The following CREB3L3 variants were observed in gnomAD, a reference collection of about 807,000 sequenced individuals.
The protein encoded by CREB3L3 is cyclic AMP-responsive element-binding protein 3-like protein 3.
A neutral mutation model predicts 44.6 loss-of-function variants in CREB3L3; 40 were observed. The observed-to-expected ratio is 0.90, with a 90% confidence interval of 0.70 to 1.17. The LOEUF (loss-of-function observed/expected upper bound fraction) is 1.17, where lower values mean the gene tolerates loss of function less well. Ranked by LOEUF, CREB3L3 falls within the 50% of genes most tolerant of loss-of-function variation. The probability of loss-of-function intolerance (pLI) is 0.00; values close to 1 mark genes in which losing one functional copy is unlikely to be tolerated. For synonymous variants in CREB3L3, 273 were observed against 256.3 expected (o/e 1.06, Z -0.62); for missense variants, 578 against 595.8 (o/e 0.97, Z 0.31).
At position 4,169,001 on chromosome 19, in the gene CREB3L3, C is replaced by T. The variant is rs570959620; in HGVS notation, c.821+544C>T. ...CTGGCCGCCTCAGCCTCCCAAAGTGCTGGGATTACAGGCGTGAGCCACTGC... is the reference window on the plus strand; with the variant it reads ...CTGGCCGCCTCAGCCTCCCAAAGTGTTGGGATTACAGGCGTGAGCCACTGC... On this transcript the variant is annotated intron_variant, in intron 6 of 9. Transcript: ENST00000078445. 4.6e-5 allele frequency among the ~76,000 whole-genome samples: 7 copies of T among 152,048 alleles called. No individual in the cohort carries two copies. The East Asian group carries it at 1.4e-3, about 30-fold the overall frequency.
At chr19:4,161,922 G>T (rs1378787739) in intron 4 of CREB3L3, among the ~76,000 whole-genome samples, 2 of 152,210 alleles carry the variant, frequency 1.3e-5, no homozygotes, top group African/African-American at 4.8e-5. Context: ...CTTCCCGGAG[G>T]AGGCAGTACT....
rs539256570 is a variant in CREB3L3 at position 4,163,615 on chromosome 19, C to T, written c.577-888C>T. Among the ~76,000 whole-genome samples the T allele has an allele frequency of 2.1e-3, 318 of 152,152 alleles. 2 individuals are homozygous for T. Among genetic ancestry groups the T allele is most frequent in the African/African-American group, 7.4e-3 (307 of 41,514 alleles). ...GCAACCCCTGCCTCCCGGGTTCAAG[C>T]GGTTCTTCTGCCTCAGCCTCCCGAG... On this transcript the variant is annotated intron_variant, in intron 4 of 9. Coordinates refer to ENST00000078445, the MANE Select transcript of CREB3L3 (RefSeq NM_032607.3).
rs1444883273 is a variant in CREB3L3 at position 4,172,606 on chromosome 19, GACAA to G, written c.*641_*644del. 29 of 215,068 alleles carry G rather than the reference GACAA, an allele frequency of 1.3e-4. No homozygotes were observed. Among genetic ancestry groups the G allele is most frequent in the Non-Finnish European group, 2.3e-4 (25 of 110,420 alleles). 13.3% of individuals were successfully genotyped at this position (215,068 alleles called of 1,614,324 possible). A position where few individuals can be genotyped will look rare whatever the true frequency, so the allele number is the denominator to read the frequency against. ...ACAGACACAGATTGAAACAGACCCA[GACAA>G]ACAGACAGACACAGCCTGAAACAGA... On this transcript the variant is annotated 3_prime_UTR_variant, in exon 10 of 10. Coordinates refer to ENST00000078445, the MANE Select transcript of CREB3L3 (RefSeq NM_032607.3).
chr19:4,169,869 G>T (rs1183217304), intron 6 of CREB3L3, among the ~76,000 whole-genome samples: 1 of 152,058 alleles, frequency 6.6e-6, no homozygotes. Flanking sequence ...AAAGTGCTGG[G>T]ATTACAGGTG....
intron 6 of CREB3L3, among the ~76,000 whole-genome samples, chr19:4,168,973 G>A (rs956779568): frequency 2.0e-5 from 3 of 152,020 alleles, no homozygotes; most frequent in African/African-American, 7.2e-5. Context: ...GACCTCAGGT[G>A]ATCTGGCCGC....
Position 4,164,334 on chromosome 19 carries a change from C to G in CREB3L3, c.577-169C>G, listed in dbSNP as rs1346951592. 3 of 798,658 alleles carry G rather than the reference C, an allele frequency of 3.8e-6. No homozygotes were observed. The African/African-American group carries it at 5.1e-5, about 13-fold the overall frequency. 49.5% of individuals were successfully genotyped at this position (798,658 alleles called of 1,614,324 possible). On this transcript the variant is annotated intron_variant, in intron 4 of 9. Coordinates refer to ENST00000078445, the MANE Select transcript of CREB3L3 (RefSeq NM_032607.3). ...TGTTACCCAGGCTGGTCTCGATCTCCTGAGCTCAAGTGATCCACATGCCTC... is the reference window on the plus strand; with the variant it reads ...TGTTACCCAGGCTGGTCTCGATCTCGTGAGCTCAAGTGATCCACATGCCTC...
In CREB3L3 at chr19:4,153,775, G is replaced by A. The variant is rs1408442693; in HGVS notation, c.27+1G>A. 6.2e-7 allele frequency: 1 copy of A among 1,613,976 alleles called. No homozygotes were observed. Among genetic ancestry groups the A allele is most frequent in the Non-Finnish European group, 8.5e-7 (1 of 1,180,018 alleles). On this transcript the variant is annotated splice_donor_variant, in intron 1 of 9. Transcript: ENST00000078445. LOFTEE classifies it high-confidence loss of function. ...GAATACGGATTTAGCTGCTGGAAAG[G>A]TGAGCCCTACTAGGTCCCCAGGGAG...
intron 4 of CREB3L3, among the ~76,000 whole-genome samples, chr19:4,163,863 G>A (rs1393510860): frequency 6.8e-6 from 1 of 147,482 alleles, no homozygotes; most frequent in African/African-American, 2.5e-5. Flanking sequence ...GGAGTGCAGT[G>A]GTGTGATCTG....
intron 3 of CREB3L3, among the ~76,000 whole-genome samples, chr19:4,158,866 C>T (rs1188048775): frequency 3.9e-5 from 6 of 152,046 alleles, no homozygotes; most frequent in Non-Finnish European, 7.4e-5. Flanking sequence ...GTCACACAGC[C>T]CTGCCCAACC....
chr19:4,162,255 C>G (rs537757776), intron 4 of CREB3L3, among the ~76,000 whole-genome samples: 3 of 152,192 alleles, frequency 2.0e-5, no homozygotes, highest in African/African-American at 7.2e-5. Flanking sequence ...ATCCACCCGC[C>G]TCAGCCTCCC....
rs771226334 is a variant in CREB3L3, at chr19:4,171,702, T to C, written c.1119T>C (p.Ala373=). ...ACGATGCTGCCTCCCGCGTGGCTGC[T>C]GATGCTGTGCCAGGCTCCGAGGCCC... ...LHNDAASRVA[A]DAVPGSEAPG... Residue 373 remains alanine, a synonymous_variant, in exon 10 of 10, where the codon GCT becomes GCC. Transcript: ENST00000078445. The surrounding 1 kb of genome is among the most constrained non-coding windows in gnomAD (Gnocchi z 4.9). The C allele has an allele frequency of 4.3e-6, 7 of 1,613,170 alleles. No homozygotes were observed. In the South Asian group the frequency reaches 6.6e-5, roughly 15 times the overall value.
chr19:4,157,982 G>C (rs1302650003), intron 3 of CREB3L3, among the ~76,000 whole-genome samples: 6 of 152,032 alleles, frequency 3.9e-5, no homozygotes, highest in Admixed American at 6.6e-5. Context: ...GCTCCACCCA[G>C]CCTGTAGATG....
At position 4,157,168 on chromosome 19, in the gene CREB3L3, C is replaced by T. The variant is rs771664477; in HGVS notation, c.330C>T (p.Pro110=). 3.7e-6 allele frequency: 6 copies of T among 1,613,906 alleles called. No individual in the cohort carries two copies. Among genetic ancestry groups the T allele is most frequent in the African/African-American group, 1.3e-5 (1 of 74,922 alleles). Residue 110 remains proline (P), a synonymous_variant, in exon 3 of 10, where the codon CCC becomes CCT. Coordinates refer to ENST00000078445, the MANE Select transcript of CREB3L3 (RefSeq NM_032607.3). ...CACGCAGCGGACCAGCCACCTCCCC[C>T]GCCGGCTGCCATCCTGCCCAGCCTG... The part of the protein sequence containing the change: ...TPPRSGPATS[P]AGCHPAQPGK...
At position 4,171,353 on chromosome 19, in the gene CREB3L3, AG is replaced by A; in HGVS notation, c.976-25del. 1 of 1,322,472 alleles carries A rather than the reference AG, an allele frequency of 7.6e-7. No homozygotes were observed. Among genetic ancestry groups the A allele is most frequent in the Non-Finnish European group, 1.0e-6 (1 of 965,534 alleles). 81.9% of individuals were successfully genotyped at this position (1,322,472 alleles called of 1,614,324 possible). A position where few individuals can be genotyped will look rare whatever the true frequency, so the allele number is the denominator to read the frequency against. On this transcript the variant is annotated intron_variant, in intron 8 of 9. Transcript: ENST00000078445. This position sits in a 1 kb window ranked among gnomAD's most constrained non-coding sequence, Gnocchi z 4.9. ...GAGATGCTTGCAGGGGAGGGGAGGGAGGGGGTGACTCTGCCGCTGTCTCCAC... is the reference window on the plus strand; with the variant it reads ...GAGATGCTTGCAGGGGAGGGGAGGGAGGGGTGACTCTGCCGCTGTCTCCAC...
At chr19:4,161,850 C>G (rs1599336605) in intron 4 of CREB3L3, among the ~76,000 whole-genome samples, 2 of 152,236 alleles carry the variant, frequency 1.3e-5, no homozygotes, top group Middle Eastern at 6.8e-3. Context: ...GGGCGATGTA[C>G]TGTTCATTAA....
At chr19:4,170,103 G>A (rs1330095748) in intron 6 of CREB3L3, 37 bp from the exon 7 acceptor site, 1 of 1,605,534 alleles carries the variant, frequency 6.2e-7, no homozygotes, top group Non-Finnish European at 8.5e-7. Flanking sequence ...CTGGTGACTG[G>A]CATATGCTGA....
chr19:4,170,722 A>T (rs1247427905), intron 7 of CREB3L3, among the ~76,000 whole-genome samples: 1 of 151,718 alleles, frequency 6.6e-6, no homozygotes, highest in Non-Finnish European at 1.5e-5. Context: ...ATCCTGGCTA[A>T]CACGGTGAAA....
In CREB3L3 at chr19:4,157,277, T is replaced by C. The variant is rs1334505861; in HGVS notation, c.439T>C (p.Ser147Pro). The change falls in exon 3 of 10, where the codon TCT becomes CCT. Residue 147 changes from serine (S) to proline (P), a missense_variant. Ser to Pro is a moderately conservative substitution (Grantham distance 74). Transcript: ENST00000078445. ...GCCAGTGATCCAAGTACCTGAAGCC[T>C]CTGTGACCATAGACCTGGGTGAGTC... ...PGPVIQVPEA[S>P]VTIDLEMWSP... 3 of 1,614,166 alleles carry C rather than the reference T, an allele frequency of 1.9e-6. No homozygotes were observed. Among genetic ancestry groups the C allele is most frequent in the Admixed American group, 3.3e-5 (2 of 60,000 alleles).
Position 4,172,314 on chromosome 19 carries a change from GACAAACA to G in CREB3L3, c.*346_*352del, listed in dbSNP as rs2145147367. ...ACAGACACAGCCTGAAACAGACCCA[GACAAACA>G]GACAGACAGACACAGCCTGAAACAG... is the stretch of plus-strand genomic sequence containing the variant. On this transcript the variant is annotated 3_prime_UTR_variant, in exon 10 of 10. Transcript: ENST00000078445. 4.6e-6 allele frequency: 2 copies of G among 437,164 alleles called. No homozygotes were observed. Among genetic ancestry groups the G allele is most frequent in the East Asian group, 4.5e-5 (1 of 22,424 alleles). 27.1% of individuals were successfully genotyped at this position (437,164 alleles called of 1,614,324 possible). A position where few individuals can be genotyped will look rare whatever the true frequency, so the allele number is the denominator to read the frequency against.
Sources: allele counts gnomAD v4.1 joint callset (sites outside exome capture counted in the v4.1 genomes callset), GRCh38; gene constraint gnomAD v4.1.1; non-coding constraint Gnocchi (gnomAD v3.1); transcripts MANE v1.5; gene names NCBI Gene and HGNC (gene_info 2026-07-23, HGNC 2026-07-21).